Variants in PLEKHB2 observed in about 807,000 individuals in gnomAD.
PLEKHB2 encodes pleckstrin homology domain containing B2.
PLEKHB2 carries 31 observed loss-of-function variants against 36.5 expected under a neutral mutation model. The ratio of observed to expected loss-of-function variants is 0.85; its 90% CI spans 0.64 to 1.15. The LOEUF (loss-of-function observed/expected upper bound fraction) is 1.15, where lower values mean the gene tolerates loss of function less well. Among genes scored for constraint, PLEKHB2 ranks in the 50% most tolerant of loss-of-function variants. PLEKHB2 has a pLI of 0.00. For synonymous variants in PLEKHB2, 119 were observed against 112.0 expected (o/e 1.06, Z -0.39); for missense variants, 262 against 295.3 (o/e 0.89, Z 0.83).
intron 5 of PLEKHB2, 105 bp from the exon 6 acceptor site, chr2:131,132,797 G>GT (rs1007353788): frequency 5.4e-5 from 38 of 700,122 alleles, no homozygotes; most frequent in Non-Finnish European, 7.8e-5. Context: ...GTATCTTTTT[G>GT]TTTTTTTAAA....
At chr2:131,141,295 G>A (rs1698752296) in intron 7 of PLEKHB2, among the ~76,000 whole-genome samples, 1 of 152,148 alleles carries the variant, frequency 6.6e-6, no homozygotes, top group South Asian at 2.1e-4. Flanking sequence ...GGACTTTGGA[G>A]GATCCTGCTT....
In PLEKHB2 at chr2:131,140,158, T is replaced by C; in HGVS notation, c.424-9T>C. 1.3e-6 allele frequency: 2 copies of C among 1,568,762 alleles called. No individual in the cohort carries two copies. The highest frequency in any genetic ancestry group is 2.3e-5 in the South Asian group (2 of 88,274). ...CAATTGTATTTCTAATGGGCCTGTT[T>C]CTTTTCAGCAGGCTTATGGCTATGG... On this transcript the variant is annotated splice_polypyrimidine_tract_variant and intron_variant, in intron 6 of 7. Transcript: ENST00000693505.
At chr2:131,116,097 TTTAAG>T (rs1442781862) in intron 1 of PLEKHB2, among the ~76,000 whole-genome samples, 1 of 152,228 alleles carries the variant, frequency 6.6e-6, no homozygotes, top group East Asian at 1.9e-4. Context: ...CTAATTCCAG[TTTAAG>T]TTCTTTTCTG....
chr2:131,136,907 T>C (rs1410826591), intron 6 of PLEKHB2, among the ~76,000 whole-genome samples: 1 of 151,618 alleles, frequency 6.6e-6, no homozygotes, highest in Non-Finnish European at 1.5e-5. Context: ...TGGGAGATTT[T>C]AAGTGACAAC....
At chr2:131,145,402 A>G (rs1699183531) in intron 7 of PLEKHB2, among the ~76,000 whole-genome samples, 1 of 152,084 alleles carries the variant, frequency 6.6e-6, no homozygotes, top group South Asian at 2.1e-4. Context: ...TTGCAGTGAC[A>G]GGATCTCAAC....
intron 6 of PLEKHB2, among the ~76,000 whole-genome samples, chr2:131,138,117 T>C (rs1450640470): frequency 6.6e-6 from 1 of 151,644 alleles, no homozygotes; most frequent in Non-Finnish European, 1.5e-5. Context: ...TTCTTTCCTT[T>C]GTCATCTCCA....
At chr2:131,116,280 G>A (rs1443765682) in intron 1 of PLEKHB2, among the ~76,000 whole-genome samples, 5 of 151,984 alleles carry the variant, frequency 3.3e-5, no homozygotes, top group Non-Finnish European at 5.9e-5. Context: ...GTTTCTCCTT[G>A]TTGCCATCCC....
Position 131,147,567 on chromosome 2 carries a change from G to A in PLEKHB2, c.*794G>A, listed in dbSNP as rs1309254634. The stretch of plus-strand genomic sequence containing the variant: ...TAATCCCAGCACTTTGAGAGACCGA[G>A]GCGGGCGGATCACGAGGTCAGGAGA... On this transcript the variant is annotated 3_prime_UTR_variant, in exon 8 of 8. Transcript: ENST00000693505. 1 of 152,288 alleles carries A rather than the reference G, an allele frequency of 6.6e-6. No homozygotes were observed. Among genetic ancestry groups the A allele is most frequent in the Admixed American group, 6.5e-5 (1 of 15,284 alleles). The allele number at this position is 152,288 out of a possible 1,614,324, so 9.4% of individuals were successfully genotyped here. A position where few individuals can be genotyped will look rare whatever the true frequency, so the allele number is the denominator to read the frequency against.
chr2:131,105,740 C>T (rs1365468667), intron 1 of PLEKHB2, among the ~76,000 whole-genome samples: 1 of 152,186 alleles, frequency 6.6e-6, no homozygotes, highest in African/African-American at 2.4e-5. Flanking sequence ...CCCTCCTCTC[C>T]GGCCCCGCGG....
intron 7 of PLEKHB2, among the ~76,000 whole-genome samples, chr2:131,146,406 C>G (rs1416397665): frequency 6.6e-6 from 1 of 152,070 alleles, no homozygotes; most frequent in Non-Finnish European, 1.5e-5. Context: ...TAGGGTTCTG[C>G]TTTTTGCAGA....
At chr2:131,113,042 T>C (rs537048858) in intron 1 of PLEKHB2, among the ~76,000 whole-genome samples, 3 of 152,022 alleles carry the variant, frequency 2.0e-5, no homozygotes, top group African/African-American at 7.2e-5. Context: ...AGGTAGATAG[T>C]GTGACAGTTG....
intron 5 of PLEKHB2, among the ~76,000 whole-genome samples, chr2:131,131,236 A>G (rs1249272766): frequency 6.6e-6 from 1 of 152,246 alleles, no homozygotes; most frequent in Non-Finnish European, 1.5e-5. Context: ...AATGTTTGGC[A>G]GGAGGCACCC....
chr2:131,119,922 G>GATTTC (rs1190111403), intron 1 of PLEKHB2, among the ~76,000 whole-genome samples: 1 of 150,068 alleles, frequency 6.7e-6, no homozygotes, highest in African/African-American at 2.4e-5. Context: ...TGTAAGTGAA[G>GATTTC]GAAATAAGCT....
chr2:131,125,003 C>T (rs1696958138), intron 2 of PLEKHB2, among the ~76,000 whole-genome samples: 1 of 152,050 alleles, frequency 6.6e-6, no homozygotes, highest in Non-Finnish European at 1.5e-5. Context: ...AGGCTGGTCT[C>T]GAACTCCTGG....
At chr2:131,133,994 G>A (rs1363517086) in intron 6 of PLEKHB2, among the ~76,000 whole-genome samples, 3 of 151,538 alleles carry the variant, frequency 2.0e-5, no homozygotes, top group Non-Finnish European at 4.4e-5. Context: ...CCGCCTCCTG[G>A]GTTCTCGGCA....
intron 6 of PLEKHB2, 78 bp from the exon 7 acceptor site, chr2:131,140,089 T>C: frequency 1.3e-6 from 1 of 798,304 alleles, no homozygotes; most frequent in Non-Finnish European, 2.0e-6. Context: ...TTTTATTGAT[T>C]GCAACCTGGA....
At chr2:131,130,979 A>G (rs939226026) in intron 5 of PLEKHB2, among the ~76,000 whole-genome samples, 5 of 152,094 alleles carry the variant, frequency 3.3e-5, no homozygotes, top group African/African-American at 1.2e-4. Context: ...TGTAGAGACG[A>G]AGTCTCACTA....
rs557423236 is a variant in PLEKHB2, at chr2:131,142,137, TG to T, written c.532+1865del. Among the ~76,000 whole-genome samples the T allele has an allele frequency of 1.1e-4, 16 of 152,268 alleles. No homozygotes were observed. The East Asian group carries it at 1.9e-3, about 18-fold the overall frequency. ...TCACCTAAGGGGCACATCTTTGGGA[TG>T]GGAAGGAACTGAACTATCCCAAGAA... On this transcript the variant is annotated intron_variant, in intron 7 of 7. Transcript: ENST00000693505.
intron 2 of PLEKHB2, among the ~76,000 whole-genome samples, chr2:131,124,076 C>T (rs947970263): frequency 2.0e-5 from 3 of 152,074 alleles, no homozygotes; most frequent in Non-Finnish European, 4.4e-5. Flanking sequence ...AACTCCTGGG[C>T]TCAGGTGATC....
Sources: gnomAD v4.1 joint callset for allele counts (sites outside exome capture counted in the v4.1 genomes callset) on GRCh38, gnomAD v4.1.1 for gene constraint, MANE v1.5 for transcripts, NCBI Gene and HGNC (gene_info 2026-07-23, HGNC 2026-07-21) for gene names.